Variants in RGS12 observed in about 807,000 individuals in gnomAD.
RGS12 encodes the protein regulator of G protein signaling 12, also known as regulator of G-protein signaling 12.
RGS12 carries 66 observed loss-of-function variants against 120.1 expected under a neutral mutation model. The observed-to-expected ratio is 0.55, with a 90% confidence interval of 0.45 to 0.67. RGS12 has a LOEUF of 0.67. RGS12 is among the 30% of genes least tolerant of loss of function. RGS12 has a pLI of 0.00. For missense variants in RGS12, 1,859 were observed against 1,957.7 expected, an observed-to-expected ratio of 0.95 and a Z score of 0.95; for synonymous variants, 827 against 804.7, an observed-to-expected ratio of 1.03 and a Z score of -0.47.
chr4:3,364,505 C>G (rs889638402), intron 3 of RGS12, among the ~76,000 whole-genome samples: 16 of 152,102 alleles, frequency 1.1e-4, no homozygotes, highest in Non-Finnish European at 4.4e-5. Flanking sequence ...AGCTTGCCCT[C>G]TGCTTGGGAG....
chr4:3,289,986 A>G (rs911057011), upstream of RGS12, among the ~76,000 whole-genome samples: 8 of 152,146 alleles, frequency 5.3e-5, no homozygotes, highest in Non-Finnish European at 1.2e-4. Context: ...CAGATGGCAC[A>G]TTTCCTTCTT....
chr4:3,423,402 G>A (rs1723248236), intron 12 of RGS12, 113 bp from the exon 13 acceptor site: 2 of 1,387,982 alleles, frequency 1.4e-6, no homozygotes, highest in South Asian at 1.3e-5. Flanking sequence ...GAACTGGGGG[G>A]CACACCGAGG....
In RGS12 at chr4:3,316,990, A is replaced by G. The variant is rs1724814314; in HGVS notation, c.820A>G (p.Met274Val). The G allele has an allele frequency of 2.5e-6, 4 of 1,613,816 alleles. No homozygotes were observed. Among genetic ancestry groups the G allele is most frequent in the South Asian group, 2.2e-5 (2 of 91,084 alleles). ...AEQKIHSLVT[M>V]KIMHDCVQLS... ...GCAGAAAATCCACTCGCTGGTGACCATGAAGATCATGCACGACTGTGTGCA... is the reference window on the plus strand; with the variant it reads ...GCAGAAAATCCACTCGCTGGTGACCGTGAAGATCATGCACGACTGTGTGCA... Residue 274 changes from methionine (M) to valine (V), a missense_variant, in exon 2 of 18, where the codon ATG (methionine) becomes GTG (valine). Coordinates refer to ENST00000336727, the MANE Select transcript of RGS12 (RefSeq NM_001394154.1).
chr4:3,356,713 G>A (rs557063330), intron 3 of RGS12, among the ~76,000 whole-genome samples: 1 of 152,234 alleles, frequency 6.6e-6, no homozygotes, highest in East Asian at 1.9e-4. Context: ...GTTGTAGCTT[G>A]TGTCAGAATG....
intron 3 of RGS12, among the ~76,000 whole-genome samples, chr4:3,384,430 A>C (rs534884577): frequency 6.6e-6 from 1 of 152,348 alleles, no homozygotes; most frequent in African/African-American, 2.4e-5. Context: ...CTGGGATTAC[A>C]GGTGTGAGCC....
At chr4:3,403,227 C>T (rs187601203) in intron 4 of RGS12, among the ~76,000 whole-genome samples, 64 of 152,330 alleles carry the variant, frequency 4.2e-4, no homozygotes, top group African/African-American at 1.3e-3. Flanking sequence ...ATAAATCACA[C>T]GTTTCTAGTA....
At chr4:3,291,593 C>T (rs184708413), upstream of RGS12, among the ~76,000 whole-genome samples, 48 of 152,272 alleles carry the variant, frequency 3.2e-4, no homozygotes, top group South Asian at 2.5e-3. Flanking sequence ...GCGATCTGTC[C>T]GCCTCAGCCT....
rs199879712 is a variant in RGS12, at chr4:3,293,658, A to AG, written c.-102+563dup. Among the ~76,000 whole-genome samples, 1,494 of 151,176 alleles carry AG rather than the reference A, an allele frequency of 9.9e-3. 22 individuals carry two copies. Among genetic ancestry groups the AG allele is most frequent in the Middle Eastern group, 0.035 (10 of 284 alleles). On this transcript the variant is annotated intron_variant, in intron 1 of 17. Transcript: ENST00000336727. Reference sequence around the variant, plus strand: ...CCAGAGCCGTGCGGTGTAGACAGAGAGGGGCCCAAAGCTGTGGAATGGGGA... The same window carrying AG: ...CCAGAGCCGTGCGGTGTAGACAGAGAGGGGGCCCAAAGCTGTGGAATGGGGA...
intron 2 of RGS12, among the ~76,000 whole-genome samples, chr4:3,338,627 G>T (rs1246667972): frequency 6.6e-6 from 1 of 151,594 alleles, no homozygotes; most frequent in Admixed American, 6.6e-5. Flanking sequence ...GGGGGCCAGG[G>T]TGACCGGCCT....
At chr4:3,370,043 C>T (rs1271161179) in intron 3 of RGS12, 12 of 1,265,712 alleles carry the variant, frequency 9.5e-6, no homozygotes, top group Admixed American at 3.9e-5. Context: ...GATCTCACAG[C>T]GTGATTTATG....
At chr4:3,375,726 GC>G (rs1301122409) in intron 3 of RGS12, among the ~76,000 whole-genome samples, 1 of 120,636 alleles carries the variant, frequency 8.3e-6, no homozygotes, top group African/African-American at 3.3e-5. Flanking sequence ...CTCATCTCCA[GC>G]CCTCATCTCC....
intron 2 of RGS12, among the ~76,000 whole-genome samples, chr4:3,333,287 G>A (rs913633678): frequency 6.6e-6 from 1 of 152,096 alleles, no homozygotes; most frequent in South Asian, 2.1e-4. Context: ...CTGACCTCGT[G>A]ATCCACCCGC....
At chr4:3,387,863 A>C (rs1009360211) in intron 4 of RGS12, among the ~76,000 whole-genome samples, 2 of 152,222 alleles carry the variant, frequency 1.3e-5, no homozygotes, top group African/African-American at 4.8e-5. Flanking sequence ...AATAAGTTTT[A>C]TTTGCCTCCA....
In RGS12 at chr4:3,316,135, A is replaced by C. The variant is rs1350049304; in HGVS notation, c.-36A>C. The C allele has an allele frequency of 6.6e-7, 1 of 1,511,958 alleles. No homozygotes were observed. The highest frequency in any genetic ancestry group is 2.2e-5 in the Admixed American group (1 of 44,468). The allele number at this position is 1,511,958 out of a possible 1,614,324, so 93.7% of individuals were successfully genotyped here. ...CCTTGAAATATGGCTCCAAGGGAAC[A>C]ATGAGACGTGCTCTTGGTCTTGGAA... On this transcript the variant is annotated 5_prime_UTR_variant, in exon 2 of 18. Coordinates refer to ENST00000336727, the MANE Select transcript of RGS12 (RefSeq NM_001394154.1).
At chr4:3,432,156 A>C (rs1167017707) in intron 17 of RGS12, 2 of 985,174 alleles carry the variant, frequency 2.0e-6, no homozygotes, top group South Asian at 4.7e-5. Context: ...AGGAGTAATA[A>C]ATTCTGGACA....
intron 2 of RGS12, among the ~76,000 whole-genome samples, chr4:3,341,218 C>T (rs1189705942): frequency 8.3e-5 from 4 of 48,362 alleles, no homozygotes; most frequent in African/African-American, 2.8e-4. Context: ...GGACAAGGGT[C>T]GAGAGATGGG....
chr4:3,420,149 A>G (rs141916702), intron 9 of RGS12, among the ~76,000 whole-genome samples: 1 of 152,326 alleles, frequency 6.6e-6, no homozygotes, highest in Non-Finnish European at 1.5e-5. Context: ...GTCAGAGGAA[A>G]AGGACGTGGA....
chr4:3,318,127 C>A, intron 2 of RGS12, 76 bp downstream of exon 2: 1 of 1,305,946 alleles, frequency 7.7e-7, no homozygotes, highest in Non-Finnish European at 1.1e-6. Context: ...GACTCCCAGT[C>A]ACCAGCTTGC....
chr4:3,353,301 A>T (rs936247750), intron 3 of RGS12, among the ~76,000 whole-genome samples: 1 of 152,196 alleles, frequency 6.6e-6, no homozygotes, highest in African/African-American at 2.4e-5. Flanking sequence ...GGAATGGAAA[A>T]GAAGGCATTC....
Sources: allele counts gnomAD v4.1 joint callset (sites outside exome capture counted in the v4.1 genomes callset), GRCh38; gene constraint gnomAD v4.1.1; transcripts MANE v1.5; gene names NCBI Gene and HGNC (gene_info 2026-07-23, HGNC 2026-07-21).